RAB7A: variants seen among roughly 807,000 people sequenced by gnomAD.
RAB7A encodes ras-related protein Rab-7a.
Under a neutral mutation model 24.5 loss-of-function variants are expected in RAB7A, and 2 were observed. That is an observed-to-expected ratio of 0.08 (90% confidence interval 0.03 to 0.26). The LOEUF is 0.26. Ranked by LOEUF, RAB7A falls within the 10% of genes least tolerant of loss-of-function variation. The pLI is 1.00. For synonymous variants in RAB7A, 100 were observed against 95.9 expected, an observed-to-expected ratio of 1.04 and a Z score of -0.25; for missense variants, 118 against 255.7, an observed-to-expected ratio of 0.46 and a Z score of 3.67.
Position 128,813,209 on chromosome 3 carries a change from C to T in RAB7A, c.529-118C>T. 5 of 949,698 alleles carry T rather than the reference C, an allele frequency of 5.3e-6. No homozygotes were observed. In the South Asian group the frequency reaches 6.5e-5, roughly 12 times the overall value. 58.8% of individuals were successfully genotyped at this position (949,698 alleles called of 1,614,324 possible). A position where few individuals can be genotyped will look rare whatever the true frequency, so the allele number is the denominator to read the frequency against. The stretch of plus-strand genomic sequence containing the variant: ...TGTGTGGGCAGGCTCTGCTTCACAG[C>T]TCCCCGCCCACTCTGCCCAAGCAGA... On this transcript the variant is annotated intron_variant, in intron 5 of 5. Coordinates refer to ENST00000265062, the MANE Select transcript of RAB7A (RefSeq NM_004637.6).
intron 2 of RAB7A, among the ~76,000 whole-genome samples, chr3:128,795,691 A>C (rs1484560204): frequency 2.0e-5 from 3 of 148,370 alleles, no homozygotes; most frequent in Non-Finnish European, 4.4e-5. Flanking sequence ...CAAGCTGGCC[A>C]GGCTGGGGAG....
chr3:128,796,889 C>G (rs1933588699), intron 2 of RAB7A, among the ~76,000 whole-genome samples: 1 of 152,094 alleles, frequency 6.6e-6, no homozygotes, highest in Non-Finnish European at 1.5e-5. Flanking sequence ...GTCTCAAACT[C>G]CTGGGCTCAA....
intron 5 of RAB7A, among the ~76,000 whole-genome samples, chr3:128,811,061 A>G (rs1933914708): frequency 6.6e-6 from 1 of 152,086 alleles, no homozygotes. Flanking sequence ...TCTCAAAAAA[A>G]AAAACAAAAC....
chr3:128,770,972 CTTT>C (rs35146916), intron 1 of RAB7A, among the ~76,000 whole-genome samples: 9 of 141,810 alleles, frequency 6.3e-5, no homozygotes, highest in Admixed American at 1.4e-4. Context: ...GGGAATGTGA[CTTT>C]TTTTTTTTTT....
chr3:128,748,458 T>C (rs10934869), intron 1 of RAB7A: 7,242 of 152,328 alleles, frequency 0.048, 311 homozygotes, highest in South Asian at 0.13. Flanking sequence ...TGGAATATAC[T>C]TTGGGGAATG....
chr3:128,803,550 C>G (rs1233223349), intron 3 of RAB7A, among the ~76,000 whole-genome samples: 1 of 152,158 alleles, frequency 6.6e-6, no homozygotes, highest in Non-Finnish European at 1.5e-5. Flanking sequence ...AGTTCTGAGT[C>G]TGAGTGTATG....
intron 1 of RAB7A, among the ~76,000 whole-genome samples, chr3:128,781,059 TCA>T (rs1933206285): frequency 6.6e-6 from 1 of 152,214 alleles, no homozygotes; most frequent in Non-Finnish European, 1.5e-5. Flanking sequence ...CCAATGCAGA[TCA>T]CACTGCAGTT....
intron 1 of RAB7A, among the ~76,000 whole-genome samples, chr3:128,758,417 C>T (rs983816342): frequency 5.3e-5 from 8 of 151,098 alleles, no homozygotes; most frequent in Admixed American, 6.6e-5. Context: ...GGACTACAGG[C>T]GCCCGCCACT....
chr3:128,785,784 T>C (rs1381493796), intron 1 of RAB7A, among the ~76,000 whole-genome samples: 1 of 151,774 alleles, frequency 6.6e-6, no homozygotes, highest in East Asian at 1.9e-4. Context: ...AGGTATTTGG[T>C]CAGCTCCTTG....
At chr3:128,752,517 A>G (rs1033842345) in intron 1 of RAB7A, among the ~76,000 whole-genome samples, 1 of 152,150 alleles carries the variant, frequency 6.6e-6, no homozygotes, top group Non-Finnish European at 1.5e-5. Flanking sequence ...AACACTACAC[A>G]TGAGGAAACA....
rs570354407 is a variant in RAB7A, at chr3:128,731,399, T to C, written c.-9+5040T>C. ...TAACTGCGGGTCATTTAAAACCCAC[T>C]CTTAAATCCTCTGACCTGCACCATG... On this transcript the variant is annotated intron_variant, in intron 1 of 5. Coordinates refer to ENST00000265062, the MANE Select transcript of RAB7A (RefSeq NM_004637.6). Among the ~76,000 whole-genome samples, 96 of 152,362 alleles carry C rather than the reference T, an allele frequency of 6.3e-4. 6 individuals are homozygous for C. The South Asian group carries it at 0.02, about 31-fold the overall frequency.
At chr3:128,728,532 G>A (rs547619879) in intron 1 of RAB7A, among the ~76,000 whole-genome samples, 1 of 152,154 alleles carries the variant, frequency 6.6e-6, no homozygotes, top group East Asian at 1.9e-4. Flanking sequence ...GCGCGATGTC[G>A]GCTCACTGCA....
intron 3 of RAB7A, among the ~76,000 whole-genome samples, chr3:128,805,731 C>T (rs1358916289): frequency 6.6e-6 from 1 of 152,130 alleles, no homozygotes; most frequent in African/African-American, 2.4e-5. Flanking sequence ...TGGCTCACCG[C>T]AACCTGCGCC....
chr3:128,741,230 T>G (rs2107586227), intron 1 of RAB7A, among the ~76,000 whole-genome samples: 1 of 152,288 alleles, frequency 6.6e-6, no homozygotes. Context: ...GTTGCAAACA[T>G]TATTCCTGGC....
chr3:128,794,750 A>C (rs1305426211), intron 1 of RAB7A, among the ~76,000 whole-genome samples: 1 of 152,130 alleles, frequency 6.6e-6, no homozygotes, highest in East Asian at 1.9e-4. Flanking sequence ...GGAAAAGAGT[A>C]GTCACTAGAG....
chr3:128,790,484 C>A (rs1434643849), intron 1 of RAB7A, among the ~76,000 whole-genome samples: 1 of 152,226 alleles, frequency 6.6e-6, no homozygotes, highest in Non-Finnish European at 1.5e-5. Flanking sequence ...CCACATGGAA[C>A]AACTTGCTAA....
chr3:128,781,394 G>A (rs1933214965), intron 1 of RAB7A, among the ~76,000 whole-genome samples: 1 of 152,172 alleles, frequency 6.6e-6, no homozygotes, highest in African/African-American at 2.4e-5. Context: ...GCTGCCACTT[G>A]GGGTAGCTTA....
At chr3:128,740,191 A>C (rs1197609930) in intron 1 of RAB7A, among the ~76,000 whole-genome samples, 1 of 152,136 alleles carries the variant, frequency 6.6e-6, no homozygotes, top group African/African-American at 2.4e-5. Context: ...CATCCTGACC[A>C]ACATGGTGAA....
At chr3:128,768,924 T>TTCTTTTC (rs1380097725) in intron 1 of RAB7A, among the ~76,000 whole-genome samples, 1 of 150,694 alleles carries the variant, frequency 6.6e-6, no homozygotes, top group African/African-American at 2.4e-5. Context: ...ACAGAACCGT[T>TTCTTTTC]TCTTTTCTCT....
Sources: gnomAD v4.1 joint callset for allele counts (sites outside exome capture counted in the v4.1 genomes callset) on GRCh38, gnomAD v4.1.1 for gene constraint, MANE v1.5 for transcripts, NCBI Gene and HGNC (gene_info 2026-07-23, HGNC 2026-07-21) for gene names.